Variants in ERC2 observed in about 807,000 individuals in gnomAD.
ERC2 encodes ELKS/RAB6-interacting/CAST family member 2.
ERC2 carries 42 observed loss-of-function variants against 114.8 expected under a neutral mutation model. The observed-to-expected ratio is 0.37, with a 90% CI of 0.29 to 0.47. ERC2 has a LOEUF of 0.47. Ranked by LOEUF, ERC2 falls within the 20% of genes least tolerant of loss-of-function variation. The pLI, the probability that ERC2 is intolerant of heterozygous loss-of-function variation, is 0.99. For synonymous variants in ERC2, 454 were observed against 425.5 expected (o/e 1.07, Z -0.82); for missense variants, 939 against 1,150.7 (o/e 0.82, Z 2.66).
At chr3:56,082,503 C>G (rs1249785378) in intron 6 of ERC2, among the ~76,000 whole-genome samples, 1 of 152,018 alleles carries the variant, frequency 6.6e-6, no homozygotes, top group Non-Finnish European at 1.5e-5. Context: ...ACTAAGACAA[C>G]CACCATGATT....
At position 56,209,149 on chromosome 3, in the gene ERC2, C is replaced by A. The variant is rs564377195; in HGVS notation, c.1075-35629G>T. ...TCTGCCCAGCCTCCTTTCACACCAC[C>A]CCCTTTTTCTCACTAGTTTCAGATC... is the stretch of plus-strand genomic sequence containing the variant. On this transcript the variant is annotated intron_variant, in intron 3 of 17. Transcript: ENST00000288221. Among the ~76,000 whole-genome samples, 8 of 152,240 alleles carry A rather than the reference C, an allele frequency of 5.3e-5. No homozygotes were observed. In the East Asian group the frequency reaches 1.4e-3, roughly 26 times the overall value.
At chr3:56,098,251 G>A (rs755621150) in intron 6 of ERC2, among the ~76,000 whole-genome samples, 21 of 152,160 alleles carry the variant, frequency 1.4e-4, no homozygotes, top group African/African-American at 3.4e-4. Context: ...TATATTGCCC[G>A]ACTCCTTTAT....
At chr3:56,129,383 A>G (rs2080070878) in intron 6 of ERC2, among the ~76,000 whole-genome samples, 1 of 152,174 alleles carries the variant, frequency 6.6e-6, no homozygotes, top group South Asian at 2.1e-4. Context: ...CACAATGTAA[A>G]CTGGTTATTT....
chr3:55,730,674 C>A (rs995939318), intron 15 of ERC2, among the ~76,000 whole-genome samples: 1 of 152,146 alleles, frequency 6.6e-6, no homozygotes, highest in African/African-American at 2.4e-5. Flanking sequence ...AGTTTGAGAC[C>A]TGCCTAGGCA....
intron 15 of ERC2, among the ~76,000 whole-genome samples, chr3:55,728,145 C>G (rs1287737944): frequency 6.6e-6 from 1 of 152,144 alleles, no homozygotes; most frequent in African/African-American, 2.4e-5. Flanking sequence ...TGAATGCCTA[C>G]TAGCATTCAG....
intron 14 of ERC2, among the ~76,000 whole-genome samples, chr3:55,844,476 C>T (rs1445093636): frequency 1.3e-5 from 2 of 152,104 alleles, no homozygotes; most frequent in African/African-American, 2.4e-5. Flanking sequence ...CATTAACATC[C>T]AGTTCAAAGC....
chr3:55,715,613 CA>C (rs891349440), intron 15 of ERC2, among the ~76,000 whole-genome samples: 4 of 151,484 alleles, frequency 2.6e-5, no homozygotes, highest in African/African-American at 9.7e-5. Flanking sequence ...CAAAACAAAA[CA>C]AAAAAAGGTA....
At chr3:56,000,125 T>C (rs1161629883) in intron 10 of ERC2, among the ~76,000 whole-genome samples, 2 of 152,012 alleles carry the variant, frequency 1.3e-5, no homozygotes, top group African/African-American at 2.4e-5. Context: ...AAAGAGAGAA[T>C]TGTTTGATAA....
chr3:55,877,594 C>T (rs2062919748), intron 14 of ERC2, among the ~76,000 whole-genome samples: 1 of 151,460 alleles, frequency 6.6e-6, no homozygotes, highest in Admixed American at 6.6e-5. Context: ...TCACTGCAGC[C>T]TCAACCTCCC....
chr3:56,265,245 T>A (rs2053215644), intron 3 of ERC2, among the ~76,000 whole-genome samples: 1 of 151,994 alleles, frequency 6.6e-6, no homozygotes, highest in Non-Finnish European at 1.5e-5. Flanking sequence ...GGTACTCACA[T>A]AAAAACAGAC....
At chr3:55,802,765 T>A (rs1361654557) in intron 14 of ERC2, among the ~76,000 whole-genome samples, 1 of 150,628 alleles carries the variant, frequency 6.6e-6, no homozygotes, top group African/African-American at 2.5e-5. Flanking sequence ...TAGGGGGAAT[T>A]TTTTTTTTCT....
At chr3:56,049,321 A>C (rs565020193) in intron 7 of ERC2, among the ~76,000 whole-genome samples, 4 of 152,288 alleles carry the variant, frequency 2.6e-5, no homozygotes, top group African/African-American at 9.6e-5. Flanking sequence ...GCCCCATGTG[A>C]TCATGACTGG....
chr3:56,105,238 GT>G (rs1400630118), intron 6 of ERC2, among the ~76,000 whole-genome samples: 1 of 152,104 alleles, frequency 6.6e-6, no homozygotes, highest in Non-Finnish European at 1.5e-5. Flanking sequence ...ATGAAGAAGG[GT>G]TACACAGACC....
intron 12 of ERC2, among the ~76,000 whole-genome samples, chr3:55,958,029 G>A (rs532656991): frequency 2.8e-4 from 42 of 152,298 alleles, no homozygotes; most frequent in African/African-American, 8.9e-4. Context: ...TCAGTGGGTC[G>A]TAAGTTCTTG....
chr3:55,693,552 G>T (rs2062772556), intron 16 of ERC2, among the ~76,000 whole-genome samples: 1 of 152,084 alleles, frequency 6.6e-6, no homozygotes, highest in Non-Finnish European at 1.5e-5. Flanking sequence ...AGGAGAGTTT[G>T]CAATTGGCAC....
At chr3:56,189,147 A>G (rs2083825716) in intron 3 of ERC2, among the ~76,000 whole-genome samples, 2 of 152,184 alleles carry the variant, frequency 1.3e-5, no homozygotes, top group Admixed American at 6.5e-5. Context: ...CACATCTGTC[A>G]TTCTCCAAAG....
intron 3 of ERC2, among the ~76,000 whole-genome samples, chr3:56,215,811 A>C (rs564864983): frequency 1.3e-5 from 2 of 152,352 alleles, no homozygotes; most frequent in African/African-American, 4.8e-5. Flanking sequence ...CAACAGTGCA[A>C]TCAAACTAGA....
At chr3:55,569,123 C>CACAAGGGGCTGCACA (rs2056553168) in intron 17 of ERC2, among the ~76,000 whole-genome samples, 1 of 152,158 alleles carries the variant, frequency 6.6e-6, no homozygotes, top group South Asian at 2.1e-4. Flanking sequence ...CTGCACATTA[C>CACAAGGGGCTGCACA]CTTTGAACCC....
intron 14 of ERC2, among the ~76,000 whole-genome samples, chr3:55,834,310 T>G (rs1258117096): frequency 3.2e-4 from 48 of 152,112 alleles, no homozygotes; most frequent in African/African-American, 1.1e-3. Context: ...AATATACATT[T>G]TTTTCAGCAC....
Sources: gnomAD v4.1 joint callset for allele counts (sites outside exome capture counted in the v4.1 genomes callset) on GRCh38, gnomAD v4.1.1 for gene constraint, MANE v1.5 for transcripts, NCBI Gene and HGNC (gene_info 2026-07-23, HGNC 2026-07-21) for gene names.